GPC5: variants seen among roughly 807,000 people sequenced by gnomAD.
The protein encoded by GPC5 is glypican 5, also known as glypican-5.
GPC5 carries 47 observed loss-of-function variants against 53.9 expected under a neutral mutation model. The ratio of observed to expected loss-of-function variants is 0.87; its 90% confidence interval spans 0.69 to 1.11. The LOEUF (loss-of-function observed/expected upper bound fraction) is 1.11. Ranked by LOEUF, GPC5 falls within the 50% of genes most tolerant of loss-of-function variation. The pLI is 0.00. For missense variants in GPC5, 748 were observed against 713.1 expected (o/e 1.05, Z -0.56); for synonymous variants, 286 against 263.3 (o/e 1.09, Z -0.84).
intron 7 of GPC5, among the ~76,000 whole-genome samples, chr13:92,586,523 C>T (rs1883543040): frequency 6.6e-6 from 1 of 152,162 alleles, no homozygotes; most frequent in Non-Finnish European, 1.5e-5. Context: ...ATTTAAGCAG[C>T]CACTTTGGCG....
At chr13:92,545,777 T>A (rs1037818945) in intron 7 of GPC5, among the ~76,000 whole-genome samples, 12 of 152,316 alleles carry the variant, frequency 7.9e-5, no homozygotes, top group Non-Finnish European at 1.6e-4. Flanking sequence ...GTTTGTTTTT[T>A]TCTTGTAAAT....
chr13:91,940,826 A>G (rs1472815600), intron 6 of GPC5, among the ~76,000 whole-genome samples: 1 of 151,836 alleles, frequency 6.6e-6, no homozygotes, highest in Non-Finnish European at 1.5e-5. Context: ...TCCTTAGCCC[A>G]TTTTTTAATG....
At chr13:92,837,994 C>T (rs909719639) in intron 7 of GPC5, among the ~76,000 whole-genome samples, 1 of 151,822 alleles carries the variant, frequency 6.6e-6, no homozygotes, top group Non-Finnish European at 1.5e-5. Flanking sequence ...ACTCAGGAGG[C>T]TAAGGCAGGA....
chr13:91,777,865 T>C (rs1474883069), intron 5 of GPC5, among the ~76,000 whole-genome samples: 1 of 152,220 alleles, frequency 6.6e-6, no homozygotes, highest in Non-Finnish European at 1.5e-5. Flanking sequence ...GATGACTTCC[T>C]CTTCATAGTG....
chr13:92,303,662 A>C (rs949276923), intron 7 of GPC5, among the ~76,000 whole-genome samples: 4 of 152,208 alleles, frequency 2.6e-5, no homozygotes, highest in African/African-American at 9.6e-5. Flanking sequence ...TGCCCAACAC[A>C]AACCAAAAGC....
At chr13:91,705,931 A>C (rs2036093598) in intron 3 of GPC5, among the ~76,000 whole-genome samples, 1 of 133,146 alleles carries the variant, frequency 7.5e-6, no homozygotes, top group South Asian at 2.2e-4. Flanking sequence ...CCCAGGTTGG[A>C]GTGCAGTGGC....
At chr13:92,385,750 CACGTGTAT>C (rs1244624372) in intron 7 of GPC5, among the ~76,000 whole-genome samples, 1 of 119,738 alleles carries the variant, frequency 8.4e-6, no homozygotes, top group East Asian at 2.7e-4. Flanking sequence ...CGTATATATA[CACGTGTAT>C]ATATATACGT....
chr13:92,528,376 A>C (rs375496168), intron 7 of GPC5, among the ~76,000 whole-genome samples: 7 of 152,256 alleles, frequency 4.6e-5, no homozygotes, highest in Admixed American at 6.5e-5. Context: ...CTTAGCTTAC[A>C]GAGTTATTTT....
chr13:92,269,437 GCT>G (rs2042825013), intron 7 of GPC5, among the ~76,000 whole-genome samples: 1 of 151,268 alleles, frequency 6.6e-6, no homozygotes, highest in African/African-American at 2.4e-5. Flanking sequence ...ACAGAGTCTC[GCT>G]CTGTCGTCCA....
At chr13:91,600,322 AGAGAGAGAGAGAGAGAGAGAGAGAGAGT>A (rs994640366) in intron 2 of GPC5, among the ~76,000 whole-genome samples, 3 of 7,860 alleles carry the variant, frequency 3.8e-4, no homozygotes, top group Non-Finnish European at 1.9e-3. Context: ...AGAGAGAGAG[AGAGAGAGAGAGAGAGAGAGAGAGAGAGT>A]GTGTGTGTGT....
chr13:92,172,538 T>C (rs2042077940), intron 7 of GPC5, among the ~76,000 whole-genome samples: 1 of 152,140 alleles, frequency 6.6e-6, no homozygotes. Flanking sequence ...AATAAAGTGG[T>C]AAAAAAGAAG....
Position 92,418,798 on chromosome 13 carries a change from A to G in GPC5, c.1561+273809A>G, listed in dbSNP as rs188336911. On this transcript the variant is annotated intron_variant, in intron 7 of 7. Transcript: ENST00000377067. ...CATGTTCAGCTTTTGTGTGATGAAC[A>G]GGAAGAAAGGGGAGTTACCAGAAAT... 2.5e-3 allele frequency among the ~76,000 whole-genome samples: 376 copies of G among 152,312 alleles called. 1 individual carries two copies. The highest frequency in any genetic ancestry group is 4.4e-3 in the Non-Finnish European group (297 of 68,012).
Position 92,359,549 on chromosome 13 carries a change from C to T in GPC5, c.1561+214560C>T, listed in dbSNP as rs571013558. 4.6e-5 allele frequency among the ~76,000 whole-genome samples: 7 copies of T among 151,624 alleles called. 1 individual carries two copies. Among genetic ancestry groups the T allele is most frequent in the African/African-American group, 1.2e-4 (5 of 40,980 alleles). On this transcript the variant is annotated intron_variant, in intron 7 of 7. Transcript: ENST00000377067. ...CCAATGTTCTGTATTACTTCATTATCGCATTACTATAAAGAACTACATGAG... is the reference window on the plus strand; with the variant it reads ...CCAATGTTCTGTATTACTTCATTATTGCATTACTATAAAGAACTACATGAG...
At chr13:91,891,539 A>C (rs888047363) in intron 5 of GPC5, among the ~76,000 whole-genome samples, 2 of 152,174 alleles carry the variant, frequency 1.3e-5, no homozygotes, top group Non-Finnish European at 2.9e-5. Flanking sequence ...AATGCTCATG[A>C]ATAGTTTCTG....
At chr13:92,487,840 T>TAAAAAAAAA (rs66972682) in intron 7 of GPC5, among the ~76,000 whole-genome samples, 1 of 99,590 alleles carries the variant, frequency 1.0e-5, no homozygotes, top group African/African-American at 5.0e-5. Context: ...ATAAATATAG[T>TAAAAAAAAA]AAAAAAAAAA....
intron 2 of GPC5, among the ~76,000 whole-genome samples, chr13:91,630,646 T>C (rs1339825164): frequency 1.3e-5 from 2 of 152,092 alleles, no homozygotes; most frequent in East Asian, 3.9e-4. Context: ...AGAGGGCCTG[T>C]CCCCAAATTA....
chr13:91,540,030 A>T (rs988064082), intron 2 of GPC5, among the ~76,000 whole-genome samples: 6 of 152,230 alleles, frequency 3.9e-5, no homozygotes, highest in African/African-American at 4.8e-5. Context: ...CAAAAATTTT[A>T]AAATGTATGT....
chr13:92,240,030 T>A (rs1372147703), intron 7 of GPC5: 2 of 152,030 alleles, frequency 1.3e-5, no homozygotes, highest in African/African-American at 4.8e-5. Flanking sequence ...TCCTTCTAGC[T>A]TTTTTATATG....
At chr13:92,318,592 G>C (rs1180536278) in intron 7 of GPC5, among the ~76,000 whole-genome samples, 1 of 151,848 alleles carries the variant, frequency 6.6e-6, no homozygotes, top group Non-Finnish European at 1.5e-5. Context: ...CAAAACCCTT[G>C]ACAAGTGCCA....
Sources: allele counts gnomAD v4.1 joint callset (sites outside exome capture counted in the v4.1 genomes callset), GRCh38; gene constraint gnomAD v4.1.1; transcripts MANE v1.5; gene names NCBI Gene and HGNC (gene_info 2026-07-23, HGNC 2026-07-21).